The following ABR variants were observed in gnomAD, a reference collection of about 807,000 sequenced individuals.
ABR encodes the protein ABR activator of RhoGEF and GTPase.
In ABR, 35 loss-of-function variants were observed where a neutral mutation model predicts 107.2. That is an observed-to-expected ratio of 0.33 (90% confidence interval 0.25 to 0.43). The LOEUF (loss-of-function observed/expected upper bound fraction) is 0.43. Ranked by LOEUF, ABR falls within the 20% of genes least tolerant of loss-of-function variation. The pLI is 1.00. For synonymous variants in ABR, 498 were observed against 462.0 expected (o/e 1.08, Z -1.00); for missense variants, 815 against 1,115.2 (o/e 0.73, Z 3.83).
chr17:1,116,124 G>A (rs1030652604), intron 2 of ABR, among the ~76,000 whole-genome samples: 28 of 151,650 alleles, frequency 1.8e-4, no homozygotes, highest in African/African-American at 6.3e-4. Flanking sequence ...GGAGGCTGAG[G>A]CAGGAGAATC....
At chr17:1,164,423 C>T (rs1015271733) in intron 1 of ABR, among the ~76,000 whole-genome samples, 2 of 145,986 alleles carry the variant, frequency 1.4e-5, no homozygotes, top group Admixed American at 1.4e-4. Context: ...AACTGCAAGA[C>T]GCCCAGTGAA....
intron 6 of ABR, among the ~76,000 whole-genome samples, chr17:1,076,727 GGT>G (rs2035759226): frequency 1.6e-5 from 2 of 122,962 alleles, no homozygotes; most frequent in Admixed American, 8.0e-5. Flanking sequence ...GGGGGGTGGG[GGT>G]GGGGGGGGTG....
chr17:1,054,301 A>G (rs1360173081), intron 14 of ABR, among the ~76,000 whole-genome samples: 1 of 152,214 alleles, frequency 6.6e-6, no homozygotes, highest in Non-Finnish European at 1.5e-5. Context: ...TGTGTAAATT[A>G]ACGACTTCAT....
chr17:1,101,060 G>A (rs545270843), intron 2 of ABR: 1 of 321,334 alleles, frequency 3.1e-6, no homozygotes. Flanking sequence ...CTGACCTCAG[G>A]TGATCCACCC....
chr17:1,043,699 G>A lies in ABR; in HGVS notation c.1791+6351C>T, dbSNP rs562306486. 1.5e-4 allele frequency among the ~76,000 whole-genome samples: 23 copies of A among 152,258 alleles called. No homozygotes were observed. In the South Asian group the frequency reaches 4.6e-3, roughly 30 times the overall value. ...TATTTTTTCTTTAAAAAGAATAAAG[G>A]CCGGACGCGGTGGCTCACACTCCCT... On this transcript the variant is annotated intron_variant, in intron 16 of 22. Coordinates refer to ENST00000302538, the MANE Select transcript of ABR (RefSeq NM_021962.5).
At chr17:1,152,295 A>AG (rs2040830795) in intron 1 of ABR, among the ~76,000 whole-genome samples, 1 of 151,230 alleles carries the variant, frequency 6.6e-6, no homozygotes, top group East Asian at 1.9e-4. Flanking sequence ...AAAAAAAAAA[A>AG]AAAAGACAGG....
chr17:1,203,966 C>G (rs890104899), intron 1 of ABR, among the ~76,000 whole-genome samples: 1 of 152,166 alleles, frequency 6.6e-6, no homozygotes, highest in African/African-American at 2.4e-5. Flanking sequence ...ACCTCGGTGC[C>G]GGCTTCACGG....
At chr17:1,152,679 C>A (rs1046339736) in intron 1 of ABR, among the ~76,000 whole-genome samples, 1 of 152,164 alleles carries the variant, frequency 6.6e-6, no homozygotes, top group Non-Finnish European at 1.5e-5. Context: ...CTTTTTACCT[C>A]CTTTCCCGTT....
chr17:1,125,687 A>T (rs2039568538), intron 1 of ABR: 1 of 336,172 alleles, frequency 3.0e-6, no homozygotes, highest in South Asian at 1.4e-4. Flanking sequence ...CAAGTGTAAA[A>T]ATTAACAGTG....
chr17:1,140,475 C>A (rs1038393372), intron 1 of ABR, among the ~76,000 whole-genome samples: 2 of 152,226 alleles, frequency 1.3e-5, no homozygotes, highest in African/African-American at 4.8e-5. Context: ...CCACCTGTAC[C>A]AGATCAGCCT....
At chr17:1,019,352 T>C (rs1374415993) in intron 16 of ABR, among the ~76,000 whole-genome samples, 1 of 152,264 alleles carries the variant, frequency 6.6e-6, no homozygotes, top group Non-Finnish European at 1.5e-5. Context: ...CACTTGCTGC[T>C]GTCTCACACA....
At chr17:1,007,972 C>T (rs547492403) in intron 21 of ABR, among the ~76,000 whole-genome samples, 11 of 152,340 alleles carry the variant, frequency 7.2e-5, no homozygotes, top group African/African-American at 1.9e-4. Context: ...CAGATGAGCC[C>T]GGGGACTGTC....
At chr17:1,072,946 C>T (rs2035361757) in intron 7 of ABR, among the ~76,000 whole-genome samples, 192 bp from the exon 8 acceptor site, 2 of 152,172 alleles carry the variant, frequency 1.3e-5, no homozygotes, top group South Asian at 2.1e-4. Context: ...TTTGGGAGGC[C>T]GAGGCGGGGG....
In ABR at chr17:1,005,280, C is replaced by A; in HGVS notation, c.*800G>T. Reference sequence around the variant, plus strand: ...GTAGAAGAAACAGTCAGAGATGCCTCACTGATAGACAGGAGGCCGAACAGG... The same window carrying A: ...GTAGAAGAAACAGTCAGAGATGCCTAACTGATAGACAGGAGGCCGAACAGG... On this transcript the variant is annotated 3_prime_UTR_variant, in exon 23 of 23. Coordinates refer to ENST00000302538, the MANE Select transcript of ABR (RefSeq NM_021962.5). 2.5e-6 allele frequency: 1 copy of A among 398,016 alleles called. No individual in the cohort carries two copies. Among genetic ancestry groups the A allele is most frequent in the South Asian group, 1.4e-4 (1 of 7,320 alleles). The allele number at this position is 398,016 out of a possible 1,614,324, so 24.7% of individuals were successfully genotyped here.
chr17:1,114,257 T>C (rs1426291243), intron 2 of ABR, among the ~76,000 whole-genome samples: 1 of 142,410 alleles, frequency 7.0e-6, no homozygotes, highest in Non-Finnish European at 1.5e-5. Context: ...ATCACTTGAG[T>C]TCAGGAGTTC....
At chr17:1,180,068 CGGGGA>C (rs1372622989), upstream of ABR, among the ~76,000 whole-genome samples, 215 of 16,756 alleles carry the variant, frequency 0.013, 1 homozygote, top group African/African-American at 0.045. Flanking sequence ...GGGGGCGGGG[CGGGGA>C]GGGACCAATC....
intron 2 of ABR, among the ~76,000 whole-genome samples, chr17:1,101,609 A>G (rs1462409070): frequency 6.6e-6 from 1 of 152,174 alleles, no homozygotes; most frequent in Non-Finnish European, 1.5e-5. Flanking sequence ...CTATGTGTCC[A>G]TTTATTTATT....
intron 1 of ABR, among the ~76,000 whole-genome samples, chr17:1,220,097 C>T (rs1369266681): frequency 6.6e-6 from 1 of 151,948 alleles, no homozygotes; most frequent in East Asian, 1.9e-4. Flanking sequence ...CGACACCAGC[C>T]TGGCCAACAT....
chr17:1,157,933 G>A lies in ABR; in HGVS notation c.61+21734C>T, dbSNP rs962996448. Reference sequence around the variant, plus strand: ...AAAAGGATTATCTCGCCTAATAAGGGCAGGTATTACTTTATGAGGCTCATT... The same window carrying A: ...AAAAGGATTATCTCGCCTAATAAGGACAGGTATTACTTTATGAGGCTCATT... On this transcript the variant is annotated intron_variant, in intron 1 of 22. Coordinates refer to ENST00000302538, the MANE Select transcript of ABR (RefSeq NM_021962.5). The surrounding 1 kb of genome is among the most constrained non-coding windows in gnomAD (Gnocchi z 4.7). Among the ~76,000 whole-genome samples, 3 of 152,224 alleles carry A rather than the reference G, an allele frequency of 2.0e-5. No homozygotes were observed. The highest frequency in any genetic ancestry group is 4.4e-5 in the Non-Finnish European group (3 of 68,046).
Sources: gnomAD v4.1 joint callset for allele counts (sites outside exome capture counted in the v4.1 genomes callset) on GRCh38, gnomAD v4.1.1 for gene constraint, Gnocchi (gnomAD v3.1) non-coding constraint, MANE v1.5 for transcripts, NCBI Gene and HGNC (gene_info 2026-07-23, HGNC 2026-07-21) for gene names.